The following SYT16 variants were observed in gnomAD, a reference collection of about 807,000 sequenced individuals.
SYT16 encodes synaptotagmin-16.
Under a neutral mutation model 61.4 loss-of-function variants are expected in SYT16, and 42 were observed. The ratio of observed to expected loss-of-function variants is 0.68; its 90% CI spans 0.53 to 0.89. The LOEUF is 0.89. Among genes scored for constraint, SYT16 ranks in the 40% least tolerant of loss-of-function variants. The probability of loss-of-function intolerance (pLI) is 0.00; values close to 1 mark genes in which losing one functional copy is unlikely to be tolerated. For synonymous variants in SYT16, 314 were observed against 302.3 expected, an observed-to-expected ratio of 1.04 and a Z score of -0.40; for missense variants, 804 against 807.3, an observed-to-expected ratio of 1.00 and a Z score of 0.05.
At chr14:61,833,847 A>G (rs1594720321) in intron 1 of SYT16, among the ~76,000 whole-genome samples, 1 of 151,130 alleles carries the variant, frequency 6.6e-6, no homozygotes, top group East Asian at 1.9e-4. Flanking sequence ...TTTAAGGTGC[A>G]GGGCTTTATT....
At chr14:62,078,155 C>CTCTCTCTATATATATA (rs766089633) in intron 5 of SYT16, among the ~76,000 whole-genome samples, 3 of 135,936 alleles carry the variant, frequency 2.2e-5, no homozygotes, top group African/African-American at 8.6e-5. Flanking sequence ...CTCTCTCTCT[C>CTCTCTCTATATATATA]TATATATATA....
At chr14:61,901,110 G>A (rs1427579501) in intron 1 of SYT16, among the ~76,000 whole-genome samples, 1 of 152,178 alleles carries the variant, frequency 6.6e-6, no homozygotes, top group Non-Finnish European at 1.5e-5. Context: ...GGCTTCCTCA[G>A]TGTCTAACTA....
At chr14:62,011,310 C>G (rs1280799664) in intron 3 of SYT16, among the ~76,000 whole-genome samples, 1 of 152,114 alleles carries the variant, frequency 6.6e-6, no homozygotes, top group Admixed American at 6.6e-5. Flanking sequence ...GCTCCATTCT[C>G]AAGCTCCATG....
intron 1 of SYT16, among the ~76,000 whole-genome samples, chr14:61,895,260 T>A (rs187993261): frequency 3.0e-4 from 46 of 152,272 alleles, no homozygotes; most frequent in East Asian, 1.3e-3. Flanking sequence ...AAATTTTTTT[T>A]AAAAAAATCA....
At chr14:62,086,083 G>A (rs958466265) in intron 7 of SYT16, among the ~76,000 whole-genome samples, 20 of 152,222 alleles carry the variant, frequency 1.3e-4, no homozygotes, top group South Asian at 4.2e-4. Context: ...GGGTGGTACC[G>A]GGCAATCCAG....
At chr14:61,842,092 G>T (rs2046316944) in intron 1 of SYT16, among the ~76,000 whole-genome samples, 1 of 152,044 alleles carries the variant, frequency 6.6e-6, no homozygotes, top group South Asian at 2.1e-4. Flanking sequence ...GTACATGAGA[G>T]GTTTCAGTAC....
At position 62,069,733 on chromosome 14, in the gene SYT16, G is replaced by T; in HGVS notation, c.654G>T (p.Gln218His). Residue 218 changes from glutamine (Q) to histidine (H), a missense_variant, in exon 4 of 8, where the codon CAG becomes CAT. By Grantham distance (24) the Gln-to-His change is conservative (BLOSUM62 0). Coordinates refer to ENST00000683842, the MANE Select transcript of SYT16 (RefSeq NM_001367656.1). ...CAGTGACATCTGAGAAAGGAAAGCA[G>T]ACAGGATTGGAGCAGAAACCAAAAT... ...FRSVTSEKGK[Q>H]TGLEQKPKFS... The T allele has an allele frequency of 1.2e-6, 2 of 1,614,032 alleles. No homozygotes were observed. The highest frequency in any genetic ancestry group is 2.2e-5 in the East Asian group (1 of 44,888).
In SYT16 at chr14:61,855,957, A is replaced by G. The variant is rs113975984; in HGVS notation, c.-325+43147A>G. Reference sequence around the variant, plus strand: ...TTTAAAATTAACATGTGAATTTTATATCTTCCCATTCAAATGTTATCTCCA... The same window carrying G: ...TTTAAAATTAACATGTGAATTTTATGTCTTCCCATTCAAATGTTATCTCCA... On this transcript the variant is annotated intron_variant, in intron 1 of 7. Transcript: ENST00000683842. 5.5e-3 allele frequency among the ~76,000 whole-genome samples: 838 copies of G among 152,364 alleles called. 11 individuals carry two copies. The highest frequency in any genetic ancestry group is 0.031 in the Middle Eastern group (9 of 294).
intron 1 of SYT16, among the ~76,000 whole-genome samples, chr14:61,837,600 G>A (rs2046172485): frequency 6.6e-6 from 1 of 152,142 alleles, no homozygotes; most frequent in Non-Finnish European, 1.5e-5. Context: ...AAAGGCTCTT[G>A]GAGGGTTTGC....
chr14:62,081,639 A>G (rs998771856), intron 6 of SYT16, among the ~76,000 whole-genome samples: 3 of 152,204 alleles, frequency 2.0e-5, no homozygotes, highest in African/African-American at 7.2e-5. Flanking sequence ...CTTTCTGGGC[A>G]AGGTTCTTAA....
chr14:62,009,478 A>G (rs564574350), intron 3 of SYT16, among the ~76,000 whole-genome samples: 1 of 152,294 alleles, frequency 6.6e-6, no homozygotes, highest in Admixed American at 6.5e-5. Context: ...ATAAAATTGG[A>G]GAAATGTGTT....
At chr14:61,837,104 T>G (rs2046153910) in intron 1 of SYT16, among the ~76,000 whole-genome samples, 1 of 152,142 alleles carries the variant, frequency 6.6e-6, no homozygotes, top group South Asian at 2.1e-4. Context: ...GACAGGACTT[T>G]GAGATTGAGG....
At chr14:61,814,455 G>C (rs1223246872) in intron 1 of SYT16, among the ~76,000 whole-genome samples, 1 of 152,192 alleles carries the variant, frequency 6.6e-6, no homozygotes, top group African/African-American at 2.4e-5. Flanking sequence ...ACACTGTTCT[G>C]CTATTTACTT....
At chr14:62,067,909 C>G (rs2056128662) in intron 3 of SYT16, among the ~76,000 whole-genome samples, 1 of 152,136 alleles carries the variant, frequency 6.6e-6, no homozygotes, top group African/African-American at 2.4e-5. Flanking sequence ...TTGCTTGAAC[C>G]TAGGAGACAG....
chr14:61,885,427 G>T (rs2047862752), intron 1 of SYT16, among the ~76,000 whole-genome samples: 1 of 152,110 alleles, frequency 6.6e-6, no homozygotes, highest in African/African-American at 2.4e-5. Context: ...AGGTAACAAG[G>T]ACTGGCTGAA....
intron 3 of SYT16, among the ~76,000 whole-genome samples, chr14:62,010,177 C>G (rs2053388144): frequency 1.3e-5 from 2 of 152,192 alleles, no homozygotes; most frequent in Non-Finnish European, 2.9e-5. Flanking sequence ...TAAACTGCCA[C>G]TTTCTGGAAA....
Position 61,872,522 on chromosome 14 carries a change from C to G in SYT16, c.-325+59712C>G, listed in dbSNP as rs572640879. Among the ~76,000 whole-genome samples the G allele has an allele frequency of 1.8e-4, 27 of 152,304 alleles. No homozygotes were observed. The South Asian group carries it at 5.2e-3, about 29-fold the overall frequency. On this transcript the variant is annotated intron_variant, in intron 1 of 7. Coordinates refer to ENST00000683842, the MANE Select transcript of SYT16 (RefSeq NM_001367656.1). ...TCTTGATTTGAAACATGTTTGAGAT[C>G]TTCCTGCATTAGTTCACATGAATTT...
In SYT16 at chr14:61,903,277, TA is replaced by T. The variant is rs549684298; in HGVS notation, c.-324-66854del. ...TCTTCATTATGTCTTTTTTTTTTTT[TA>T]GGGTGGGGCACAATTCAACCTGTGT... On this transcript the variant is annotated intron_variant, in intron 1 of 7. Transcript: ENST00000683842. Among the ~76,000 whole-genome samples, 3 of 152,018 alleles carry T rather than the reference TA, an allele frequency of 2.0e-5. No individual in the cohort carries two copies. In the South Asian group the frequency reaches 6.2e-4, roughly 32 times the overall value.
chr14:61,884,523 C>T (rs2047823380), intron 1 of SYT16, among the ~76,000 whole-genome samples: 1 of 152,212 alleles, frequency 6.6e-6, no homozygotes, highest in Non-Finnish European at 1.5e-5. Flanking sequence ...TAAACAGCTT[C>T]TCTTCTCCAC....
Sources: allele counts gnomAD v4.1 joint callset (sites outside exome capture counted in the v4.1 genomes callset), GRCh38; gene constraint gnomAD v4.1.1; transcripts MANE v1.5; gene names NCBI Gene and HGNC (gene_info 2026-07-23, HGNC 2026-07-21).